Variants in GLOD5 observed in about 807,000 individuals in gnomAD.
The protein encoded by GLOD5 is glyoxalase domain containing 5, also known as glyoxalase domain-containing protein 5.
Under a neutral mutation model 9.9 loss-of-function variants are expected in GLOD5, and 7 were observed. The ratio of observed to expected loss-of-function variants is 0.71; its 90% CI spans 0.40 to 1.33. The LOEUF (loss-of-function observed/expected upper bound fraction) is 1.33. Among genes scored for constraint, GLOD5 ranks in the 40% most tolerant of loss-of-function variants. The pLI is 0.01. For synonymous variants in GLOD5, 49 were observed against 47.3 expected (o/e 1.04, Z -0.14); for missense variants, 146 against 128.4 (o/e 1.14, Z -0.66).
Position 48,765,923 on chromosome X carries a change from C to A in GLOD5, c.152C>A (p.Thr51Asn). 8.3e-7 allele frequency: 1 copy of A among 1,205,533 alleles called. No individual in the cohort carries two copies. Among genetic ancestry groups the A allele is most frequent in the Non-Finnish European group, 1.1e-6 (1 of 892,021 alleles). ...IVMTVKSIKDTTMFYSKILGM... is the reference protein window; with the variant it reads ...IVMTVKSIKDNTMFYSKILGM... ...ATGACGGTGAAGAGCATCAAAGACACCACCATGTTTTATTCCAAGATCCTG... is the reference window on the plus strand; with the variant it reads ...ATGACGGTGAAGAGCATCAAAGACAACACCATGTTTTATTCCAAGATCCTG... The change falls in exon 2 of 4, where the codon ACC becomes AAC. Residue 51 changes from threonine to asparagine, a missense_variant. By Grantham distance (65) the Thr-to-Asn change is moderately conservative. Transcript: ENST00000303227.
chrX:48,769,953 G>C (rs1454248153), intron 2 of GLOD5, among the ~76,000 whole-genome samples: 1 of 97,242 alleles, frequency 1.0e-5, no homozygotes, highest in African/African-American at 3.9e-5. Flanking sequence ...AAGGCTGGGC[G>C]ACAGAGCAAG....
chrX:48,765,166 C>T (rs1215890212), intron 1 of GLOD5, among the ~76,000 whole-genome samples: 1 of 110,545 alleles, frequency 9.0e-6, no homozygotes, highest in Admixed American at 9.8e-5. Flanking sequence ...GACTGGGCCT[C>T]CTCTGTGTCT....
chrX:48,773,365 C>G lies in GLOD5; in HGVS notation c.413C>G (p.Pro138Arg). 1.7e-6 allele frequency: 2 copies of G among 1,209,121 alleles called. No homozygotes were observed. Among genetic ancestry groups the G allele is most frequent in the African/African-American group, 1.7e-5 (1 of 57,709 alleles). ...GPVPRTGAKG[P>R]IMSIYFRDPD... ...GTCCCCAGAACAGGGGCAAAAGGGCCTATCATGTCCATCTACTTCCGAGAC... is the reference window on the plus strand; with the variant it reads ...GTCCCCAGAACAGGGGCAAAAGGGCGTATCATGTCCATCTACTTCCGAGAC... Residue 138 changes from proline (P) to arginine (R), a missense_variant, in exon 4 of 4, where the codon CCT becomes CGT. Physicochemically the swap from Pro to Arg is moderately radical, Grantham distance 103 (BLOSUM62 -2). Coordinates refer to ENST00000303227, the MANE Select transcript of GLOD5 (RefSeq NM_001080489.3).
chrX:48,769,211 A>G, intron 2 of GLOD5, among the ~76,000 whole-genome samples: 1 of 105,274 alleles, frequency 9.5e-6, no homozygotes. Context: ...GATCTACAAA[A>G]ATAAACTTGC....
intron 2 of GLOD5, among the ~76,000 whole-genome samples, chrX:48,768,920 C>T (rs2062615311): frequency 9.3e-6 from 1 of 107,862 alleles, no homozygotes; most frequent in Non-Finnish European, 1.9e-5. Flanking sequence ...GTCCCAGCTA[C>T]TCGGGAGGCT....
intron 1 of GLOD5, chrX:48,762,162 C>A: frequency 4.5e-6 from 1 of 220,929 alleles, no homozygotes; most frequent in Non-Finnish European, 8.3e-6. Flanking sequence ...TGATTAAGGC[C>A]ATGTGGAGAG....
At chrX:48,765,598 A>AAG (rs1557016544) in intron 1 of GLOD5, 8 of 393,785 alleles carry the variant, frequency 2.0e-5, no homozygotes, top group African/African-American at 1.8e-4. Context: ...AAAAAAAAAA[A>AAG]AAAAGAAAAG....
At chrX:48,772,367 G>A (rs1254172494) in intron 3 of GLOD5, among the ~76,000 whole-genome samples, 1 of 110,473 alleles carries the variant, frequency 9.1e-6, no homozygotes, top group Non-Finnish European at 1.9e-5. Flanking sequence ...GAGACCCTGT[G>A]TCTACATAAA....
intron 1 of GLOD5, 23 bp from the exon 2 acceptor site, chrX:48,765,812 C>G: frequency 8.5e-7 from 1 of 1,182,215 alleles, no homozygotes; most frequent in Non-Finnish European, 1.1e-6. Context: ...GTGGTCTCTT[C>G]TGACTTTTTT....
chrX:48,766,171 A>G (rs781968611), intron 2 of GLOD5, 199 bp downstream of exon 2: 4 of 399,698 alleles, frequency 1.0e-5, no homozygotes, highest in Non-Finnish European at 1.7e-5. Flanking sequence ...ATTATCATAG[A>G]AACAATGCAA....
At chrX:48,769,386 C>T (rs1017203043) in intron 2 of GLOD5, among the ~76,000 whole-genome samples, 1 of 104,086 alleles carries the variant, frequency 9.6e-6, no homozygotes, top group Non-Finnish European at 2.0e-5. Flanking sequence ...CGTGGTGGTG[C>T]GCACCTATAA....
intron 2 of GLOD5, among the ~76,000 whole-genome samples, chrX:48,769,179 G>A (rs2062616136): frequency 1.8e-5 from 2 of 109,164 alleles, no homozygotes; most frequent in African/African-American, 6.7e-5. Context: ...AACATGGCAG[G>A]GCTGTGAGTT....
chrX:48,772,580 G>A (rs904171269), intron 3 of GLOD5, among the ~76,000 whole-genome samples: 24 of 110,849 alleles, frequency 2.2e-4, no homozygotes, highest in African/African-American at 6.9e-4. Context: ...CCCTTTTGCA[G>A]AACACGGATT....
intron 1 of GLOD5, 34 bp from the exon 2 acceptor site, chrX:48,765,801 T>C: frequency 8.4e-7 from 1 of 1,185,481 alleles, no homozygotes; most frequent in Non-Finnish European, 1.1e-6. Flanking sequence ...CAAGTGGCAA[T>C]GTGGTCTCTT....
intron 2 of GLOD5, among the ~76,000 whole-genome samples, chrX:48,770,383 A>T (rs1557017226): frequency 8.9e-6 from 1 of 112,326 alleles, no homozygotes; most frequent in Non-Finnish European, 1.9e-5. Flanking sequence ...TAAACAAGAC[A>T]AGAGTTTTCT....
intron 2 of GLOD5, among the ~76,000 whole-genome samples, chrX:48,769,133 A>T (rs927902445): frequency 2.7e-5 from 3 of 110,919 alleles, no homozygotes; most frequent in Non-Finnish European, 5.7e-5. Context: ...GAAATGGCAC[A>T]TGTTGAGAGG....
chrX:48,771,944 G>C (rs1157709077), intron 3 of GLOD5, among the ~76,000 whole-genome samples: 1 of 111,675 alleles, frequency 9.0e-6, no homozygotes, highest in Non-Finnish European at 1.9e-5. Context: ...ATGTCATCTA[G>C]AAGAGGCATT....
chrX:48,765,622 A>C (rs1557016575), intron 1 of GLOD5: 1 of 484,348 alleles, frequency 2.1e-6, no homozygotes, highest in East Asian at 4.1e-5. Flanking sequence ...ACAAGGAAAC[A>C]GTGGAAAGTG....
At position 48,773,523 on chromosome X, in the gene GLOD5, C is replaced by T. The variant is rs782421244; in HGVS notation, c.*88C>T. On this transcript the variant is annotated 3_prime_UTR_variant, in exon 4 of 4. Coordinates refer to ENST00000303227, the MANE Select transcript of GLOD5 (RefSeq NM_001080489.3). ...ACCCCCACCCAGGCCCAGAGATCTCCAAAGACTGAGGACTTAGGCACTTCA... is the reference window on the plus strand; with the variant it reads ...ACCCCCACCCAGGCCCAGAGATCTCTAAAGACTGAGGACTTAGGCACTTCA... The T allele has an allele frequency of 2.9e-6, 3 of 1,049,557 alleles. No individual in the cohort carries two copies. Among genetic ancestry groups the T allele is most frequent in the Non-Finnish European group, 3.9e-6 (3 of 769,390 alleles). 86.5% of individuals were successfully genotyped at this position (1,049,557 alleles called of 1,213,427 possible).
Sources: gnomAD v4.1 joint callset for allele counts (sites outside exome capture counted in the v4.1 genomes callset) on GRCh38, gnomAD v4.1.1 for gene constraint, MANE v1.5 for transcripts, NCBI Gene and HGNC (gene_info 2026-07-23, HGNC 2026-07-21) for gene names.